Variants in ABI3BP observed in about 807,000 individuals in gnomAD.
ABI3BP encodes the protein ABI family member 3 binding protein.
A neutral mutation model predicts 268.6 loss-of-function variants in ABI3BP; 216 were observed. That is an observed-to-expected ratio of 0.80 (90% CI 0.72 to 0.90). ABI3BP has a LOEUF of 0.90. Among genes scored for constraint, ABI3BP ranks in the 40% least tolerant of loss-of-function variants. The pLI, the probability that ABI3BP is intolerant of heterozygous loss-of-function variation, is 0.00. For missense variants in ABI3BP, 2,090 were observed against 2,182.4 expected, an observed-to-expected ratio of 0.96 and a Z score of 0.84; for synonymous variants, 730 against 730.0, an observed-to-expected ratio of 1.00 and a Z score of 0.00.
intron 22 of ABI3BP, among the ~76,000 whole-genome samples, chr3:100,840,372 A>T (rs1296034490): frequency 1.3e-5 from 2 of 152,156 alleles, no homozygotes; most frequent in Admixed American, 6.5e-5. Flanking sequence ...TGTCCAAGAG[A>T]TCTGTCTGTT....
intron 4 of ABI3BP, among the ~76,000 whole-genome samples, chr3:100,888,470 A>G (rs2042987747): frequency 6.6e-6 from 1 of 152,104 alleles, no homozygotes; most frequent in Non-Finnish European, 1.5e-5. Flanking sequence ...TGAGGACTTA[A>G]CTGCTTTCAT....
At position 100,867,045 on chromosome 3, in the gene ABI3BP, C is replaced by A. The variant is rs774729773; in HGVS notation, c.911-89G>T. 3 of 947,892 alleles carry A rather than the reference C, an allele frequency of 3.2e-6. No individual in the cohort carries two copies. In the Admixed American group the frequency reaches 6.2e-5, roughly 20 times the overall value. 58.7% of individuals were successfully genotyped at this position (947,892 alleles called of 1,614,324 possible). On this transcript the variant is annotated intron_variant, in intron 9 of 67. Transcript: ENST00000471714. The stretch of plus-strand genomic sequence containing the variant: ...CATAATCAAGTAGCAGACTAAAAAT[C>A]TAATCTCACACTCCTTCCCCACCAG...
chr3:100,787,421 A>G (rs1314242942), intron 57 of ABI3BP, among the ~76,000 whole-genome samples: 1 of 152,152 alleles, frequency 6.6e-6, no homozygotes, highest in Non-Finnish European at 1.5e-5. Context: ...AAGCATTTTG[A>G]AATTAGGGGA....
intron 1 of ABI3BP, among the ~76,000 whole-genome samples, chr3:100,945,974 A>G (rs2071980355): frequency 2.0e-5 from 3 of 152,214 alleles, no homozygotes; most frequent in Admixed American, 6.5e-5. Flanking sequence ...AATTGTGATC[A>G]TCCAGAAAAT....
At chr3:100,974,443 C>T (rs940972831) in intron 1 of ABI3BP, among the ~76,000 whole-genome samples, 1 of 152,132 alleles carries the variant, frequency 6.6e-6, no homozygotes, top group Non-Finnish European at 1.5e-5. Context: ...ACTATTAATA[C>T]ATGCAACAAC....
At chr3:100,926,015 T>C (rs1426227551) in intron 2 of ABI3BP, among the ~76,000 whole-genome samples, 1 of 152,074 alleles carries the variant, frequency 6.6e-6, no homozygotes, top group Non-Finnish European at 1.5e-5. Context: ...ACATAAAATA[T>C]GTTACAGAGA....
chr3:100,770,669 C>A (rs1015721150), intron 62 of ABI3BP, 74 bp downstream of exon 62: 5 of 1,348,554 alleles, frequency 3.7e-6, no homozygotes, highest in Non-Finnish European at 3.9e-6. Flanking sequence ...CAACGTTGAC[C>A]CAGGGTACCC....
intron 1 of ABI3BP, among the ~76,000 whole-genome samples, chr3:100,959,467 G>T (rs1218887873): frequency 2.2e-5 from 3 of 135,580 alleles, no homozygotes; most frequent in Non-Finnish European, 3.1e-5. Flanking sequence ...TCCAGCCTGG[G>T]CGACAGAGCG....
At chr3:100,786,315 A>G (rs1484940890) in intron 57 of ABI3BP, among the ~76,000 whole-genome samples, 1 of 152,212 alleles carries the variant, frequency 6.6e-6, no homozygotes, top group East Asian at 1.9e-4. Context: ...AAGCCCTGCT[A>G]TATTATTCTT....
chr3:100,939,742 G>C (rs891322914), intron 1 of ABI3BP, among the ~76,000 whole-genome samples: 1 of 152,062 alleles, frequency 6.6e-6, no homozygotes, highest in African/African-American at 2.4e-5. Flanking sequence ...ATCTTATCAG[G>C]AGACAGGGTT....
intron 51 of ABI3BP, among the ~76,000 whole-genome samples, chr3:100,796,742 A>C (rs1038335473): frequency 6.6e-6 from 1 of 152,136 alleles, no homozygotes; most frequent in South Asian, 2.1e-4. Context: ...TAACATAATT[A>C]AACAATGAGG....
chr3:100,778,457 A>G (rs2096773026), intron 58 of ABI3BP, 81 bp from the exon 59 acceptor site: 2 of 1,254,864 alleles, frequency 1.6e-6, no homozygotes, highest in Non-Finnish European at 2.2e-6. Flanking sequence ...GTTTTTAAAA[A>G]TAAAAAATAA....
At chr3:100,905,547 T>C (rs201242966) in intron 2 of ABI3BP, among the ~76,000 whole-genome samples, 53 of 145,570 alleles carry the variant, frequency 3.6e-4, no homozygotes, top group Non-Finnish European at 6.1e-4. Context: ...TTTTTTTTTT[T>C]CCAACTCTTC....
intron 1 of ABI3BP, among the ~76,000 whole-genome samples, chr3:100,984,315 A>G (rs2090887324): frequency 6.6e-6 from 1 of 152,174 alleles, no homozygotes; most frequent in African/African-American, 2.4e-5. Context: ...TCATAGGTAA[A>G]CTTATTAAAT....
At chr3:100,934,144 C>T (rs1208287906) in intron 1 of ABI3BP, among the ~76,000 whole-genome samples, 7 of 151,778 alleles carry the variant, frequency 4.6e-5, no homozygotes, top group Admixed American at 3.3e-4. Context: ...CCCCCCACCC[C>T]CAAAAAGGCC....
intron 37 of ABI3BP, among the ~76,000 whole-genome samples, 198 bp downstream of exon 37, chr3:100,823,260 A>G (rs990479706): frequency 1.3e-5 from 2 of 152,188 alleles, no homozygotes; most frequent in East Asian, 3.9e-4. Context: ...AATTTCAAGC[A>G]GATTATATGG....
chr3:100,798,604 A>AT (rs1475924169), intron 51 of ABI3BP, among the ~76,000 whole-genome samples: 1 of 152,036 alleles, frequency 6.6e-6, no homozygotes, highest in Non-Finnish European at 1.5e-5. Context: ...AACTTATACC[A>AT]TTTATACTAA....
chr3:100,941,820 A>G (rs1439164737), intron 1 of ABI3BP, among the ~76,000 whole-genome samples: 2 of 152,168 alleles, frequency 1.3e-5, no homozygotes, highest in Non-Finnish European at 2.9e-5. Flanking sequence ...ACAGTCTCTC[A>G]TTTTCAAGAA....
chr3:100,757,451 A>T (rs2095681745), intron 63 of ABI3BP, among the ~76,000 whole-genome samples: 1 of 152,250 alleles, frequency 6.6e-6, no homozygotes, highest in East Asian at 1.9e-4. Context: ...ACTTTTTAAC[A>T]GTAACACTGG....
Sources: gnomAD v4.1 joint callset for allele counts (sites outside exome capture counted in the v4.1 genomes callset) on GRCh38, gnomAD v4.1.1 for gene constraint, MANE v1.5 for transcripts, NCBI Gene and HGNC (gene_info 2026-07-23, HGNC 2026-07-21) for gene names.